Variants in PNKD observed in about 807,000 individuals in gnomAD.
PNKD encodes the protein PNKD metallo-beta-lactamase domain containing.
PNKD carries 36 observed loss-of-function variants against 45.3 expected under a neutral mutation model. The ratio of observed to expected loss-of-function variants is 0.80; its 90% CI spans 0.61 to 1.05. PNKD has a LOEUF of 1.05. PNKD is among the 50% of genes least tolerant of loss of function. The pLI, the probability that PNKD is intolerant of heterozygous loss-of-function variation, is 0.00. For missense variants in PNKD, 511 were observed against 506.6 expected (o/e 1.01, Z -0.08); for synonymous variants, 197 against 210.1 (o/e 0.94, Z 0.54).
At chr2:218,307,671 C>T (rs984807307) in intron 2 of PNKD, among the ~76,000 whole-genome samples, 6 of 152,182 alleles carry the variant, frequency 3.9e-5, no homozygotes, top group African/African-American at 9.6e-5. Flanking sequence ...TGGAGGGAAG[C>T]GGTTGGGGAC....
At chr2:218,279,401 T>C in intron 2 of PNKD, 2 of 1,498,552 alleles carry the variant, frequency 1.3e-6, no homozygotes, top group African/African-American at 2.8e-5. Flanking sequence ...ACCCCTGGCC[T>C]GCCCCAGGAA....
rs145953810 is a variant in PNKD, at chr2:218,304,480, T to G, written c.236+32931T>G. On this transcript the variant is annotated intron_variant, in intron 2 of 9. Coordinates refer to ENST00000273077, the MANE Select transcript of PNKD (RefSeq NM_015488.5). ...TTTATAACAGCTCCCTTCCTGACCC[T>G]TCAGGCCCAGGGGTGGCGACAGTGT... Among the ~76,000 whole-genome samples the G allele has an allele frequency of 3.9e-3, 591 of 152,274 alleles. 5 individuals carry two copies. The highest frequency in any genetic ancestry group is 0.011 in the African/African-American group (469 of 41,576).
intron 2 of PNKD, among the ~76,000 whole-genome samples, chr2:218,296,903 C>T (rs879811916): frequency 6.6e-6 from 1 of 152,170 alleles, no homozygotes; most frequent in Non-Finnish European, 1.5e-5. Flanking sequence ...GTCTTGAACT[C>T]CTGGCCTCAG....
At chr2:218,275,755 T>G in intron 2 of PNKD, 1 of 1,125,194 alleles carries the variant, frequency 8.9e-7, no homozygotes, top group Non-Finnish European at 1.3e-6. Flanking sequence ...GCATAACATA[T>G]GGGCTCTATA....
At chr2:218,318,350 G>C (rs1190681742) in intron 2 of PNKD, 1 of 152,254 alleles carries the variant, frequency 6.6e-6, no homozygotes, top group Non-Finnish European at 1.5e-5. Context: ...CTGCTCAGGG[G>C]AGAAGTCACG....
At chr2:218,270,632 A>C (rs1690792908) in intron 1 of PNKD, 30 bp downstream of exon 1, 6 of 663,886 alleles carry the variant, frequency 9.0e-6, no homozygotes, top group Non-Finnish European at 1.3e-5. Context: ...GGAGGGCAGG[A>C]CTGCAGAAGA....
At position 218,270,588 on chromosome 2, in the gene PNKD, C is replaced by A; in HGVS notation, c.53C>A (p.Ala18Asp). The change falls in exon 1 of 10, where the codon GCC becomes GAC. Residue 18 changes from alanine (A) to aspartate (D), a missense_variant. By Grantham distance (126) the Ala-to-Asp change is moderately radical. Coordinates refer to ENST00000273077, the MANE Select transcript of PNKD (RefSeq NM_015488.5). ...CTGAAGGGCCGGGGGGCGAGAAATG[C>A]CCGCGTCCTCCGGGGTAAGGAGAGG... ...TALKGRGARN[A>D]RVLRGILAGA... 1 of 1,097,096 alleles carries A rather than the reference C, an allele frequency of 9.1e-7. No homozygotes were observed. Among genetic ancestry groups the A allele is most frequent in the Non-Finnish European group, 1.2e-6 (1 of 837,670 alleles). The allele number at this position is 1,097,096 out of a possible 1,614,324, so 68.0% of individuals were successfully genotyped here.
intron 2 of PNKD, chr2:218,274,178 C>T (rs1663996705): frequency 6.5e-6 from 1 of 155,000 alleles, no homozygotes; most frequent in Admixed American, 6.5e-5. Flanking sequence ...GCCACACATA[C>T]TCCTGGAGCC....
At chr2:218,343,311 A>G (rs200897878) in intron 7 of PNKD, among the ~76,000 whole-genome samples, 189 bp from the exon 8 acceptor site, 1 of 152,172 alleles carries the variant, frequency 6.6e-6, no homozygotes, top group Non-Finnish European at 1.5e-5. Flanking sequence ...GGGCTTGGTC[A>G]GGGGGTGACC....
chr2:218,323,189 G>C (rs1694040287), intron 2 of PNKD: 7 of 1,385,264 alleles, frequency 5.1e-6, no homozygotes. Context: ...CGGCAGGCAG[G>C]TTCCCCGCGG....
chr2:218,276,255 A>T (rs1027186687), intron 2 of PNKD, among the ~76,000 whole-genome samples: 11 of 152,196 alleles, frequency 7.2e-5, no homozygotes, highest in Non-Finnish European at 1.6e-4. Context: ...TGATATATCC[A>T]GCAGAGAAAG....
rs1047822290 is a variant in PNKD at position 218,323,448 on chromosome 2, C to G, written c.237-16335C>G. ...CCGAATCGGGTTAGTGCCCGGGCTC[C>G]GAAGCGTGCGGGCTCGGGAGGCGGG... On this transcript the variant is annotated intron_variant, in intron 2 of 9. Coordinates refer to ENST00000273077, the MANE Select transcript of PNKD (RefSeq NM_015488.5). The G allele has an allele frequency of 5.2e-6, 8 of 1,527,648 alleles. No individual in the cohort carries two copies. The African/African-American group carries it at 8.5e-5, about 16-fold the overall frequency. 94.6% of individuals were successfully genotyped at this position (1,527,648 alleles called of 1,614,324 possible).
intron 2 of PNKD, among the ~76,000 whole-genome samples, chr2:218,339,006 A>G (rs1694587852): frequency 6.6e-6 from 1 of 151,072 alleles, no homozygotes; most frequent in Non-Finnish European, 1.5e-5. Context: ...AATGTTGCCC[A>G]GGCTGGTCTC....
chr2:218,273,097 C>A, intron 2 of PNKD: 1 of 460,130 alleles, frequency 2.2e-6, no homozygotes, highest in Non-Finnish European at 3.7e-6. Flanking sequence ...AGGCCCCGGG[C>A]CCTCGGGACC....
At chr2:218,307,996 C>T (rs758443378) in intron 2 of PNKD, among the ~76,000 whole-genome samples, 7 of 151,862 alleles carry the variant, frequency 4.6e-5, no homozygotes, top group African/African-American at 7.3e-5. Context: ...TGAGAATGGA[C>T]GTGAAGTGAA....
chr2:218,295,826 T>C (rs1693127029), intron 2 of PNKD, among the ~76,000 whole-genome samples: 1 of 150,082 alleles, frequency 6.7e-6, no homozygotes, highest in African/African-American at 2.4e-5. Context: ...CAGTTTGAGC[T>C]TCAGATAAAC....
At chr2:218,300,226 G>A (rs891888148) in intron 2 of PNKD, among the ~76,000 whole-genome samples, 4 of 152,112 alleles carry the variant, frequency 2.6e-5, no homozygotes, top group Non-Finnish European at 5.9e-5. Flanking sequence ...ACATGCAACG[G>A]TCCTGACTGA....
chr2:218,318,429 C>T (rs185726527), intron 2 of PNKD, among the ~76,000 whole-genome samples: 21 of 152,312 alleles, frequency 1.4e-4, no homozygotes, highest in Non-Finnish European at 2.8e-4. Context: ...TATTATGAAG[C>T]GCCTGCCGCC....
chr2:218,297,203 G>A (rs1693159097), intron 2 of PNKD, among the ~76,000 whole-genome samples: 1 of 152,202 alleles, frequency 6.6e-6, no homozygotes, highest in Non-Finnish European at 1.5e-5. Flanking sequence ...GGATAGATAA[G>A]GTAGGGGTGG....
Sources: allele counts gnomAD v4.1 joint callset (sites outside exome capture counted in the v4.1 genomes callset), GRCh38; gene constraint gnomAD v4.1.1; transcripts MANE v1.5; gene names NCBI Gene and HGNC (gene_info 2026-07-23, HGNC 2026-07-21).